Variants in SGK1 observed in about 807,000 individuals in gnomAD.
The protein encoded by SGK1 is serum/glucocorticoid regulated kinase 1, also known as serine/threonine-protein kinase Sgk1.
A neutral mutation model predicts 64.2 loss-of-function variants in SGK1; 26 were observed. The ratio of observed to expected loss-of-function variants is 0.40; its 90% CI spans 0.30 to 0.56. The LOEUF (loss-of-function observed/expected upper bound fraction) is 0.56, where lower values mean the gene tolerates loss of function less well. Among genes scored for constraint, SGK1 ranks in the 20% least tolerant of loss-of-function variants. The pLI is 0.38. For synonymous variants in SGK1, 265 were observed against 239.7 expected, an observed-to-expected ratio of 1.11 and a Z score of -0.98; for missense variants, 519 against 645.6, an observed-to-expected ratio of 0.80 and a Z score of 2.12.
intron 1 of SGK1, among the ~76,000 whole-genome samples, chr6:134,304,096 G>C (rs1022218883): frequency 1.3e-5 from 2 of 152,140 alleles, no homozygotes; most frequent in Non-Finnish European, 2.9e-5. Flanking sequence ...TATGTGGAGA[G>C]AGAAAGAGGC....
intron 2 of SGK1, among the ~76,000 whole-genome samples, chr6:134,226,635 A>G (rs1776185071): frequency 3.3e-5 from 5 of 151,828 alleles, no homozygotes; most frequent in Admixed American, 1.3e-4. Context: ...TTGAGGCTGC[A>G]GTGAGCCATG....
chr6:134,270,809 C>G (rs1054544681), intron 1 of SGK1, among the ~76,000 whole-genome samples: 2 of 148,056 alleles, frequency 1.4e-5, no homozygotes, highest in Non-Finnish European at 3.0e-5. Flanking sequence ...AGGCAGCACC[C>G]CAGCTCCGTC....
chr6:134,305,610 G>A (rs1485743267), intron 1 of SGK1, among the ~76,000 whole-genome samples: 1 of 151,358 alleles, frequency 6.6e-6, no homozygotes, highest in East Asian at 1.9e-4. Context: ...ATACAGATGT[G>A]TCTCAGATGA....
At chr6:134,244,596 G>A (rs1004909505) in intron 2 of SGK1, among the ~76,000 whole-genome samples, 3 of 152,156 alleles carry the variant, frequency 2.0e-5, no homozygotes, top group Admixed American at 1.3e-4. Context: ...CACTTCCCGG[G>A]TAAGGCAACG....
chr6:134,172,176 AC>A lies in SGK1; in HGVS notation c.1071+16del. 1 of 1,612,242 alleles carries A rather than the reference AC, an allele frequency of 6.2e-7. No individual in the cohort carries two copies. Among genetic ancestry groups the A allele is most frequent in the Non-Finnish European group, 8.5e-7 (1 of 1,179,368 alleles). On this transcript the variant is annotated intron_variant, in intron 10 of 13. Coordinates refer to ENST00000367858, the MANE Select transcript of SGK1 (RefSeq NM_001143676.3). ...AAGGCGGGGGTAAACCAGGCACCAA[AC>A]CAAGACAGCGCCTACCTCCGGCGTG...
chr6:134,314,797 T>G (rs1194167204), intron 1 of SGK1, among the ~76,000 whole-genome samples: 10 of 152,118 alleles, frequency 6.6e-5, no homozygotes, highest in African/African-American at 1.7e-4. Flanking sequence ...CTATGGTTTT[T>G]TTTTTTTTTT....
intron 2 of SGK1, among the ~76,000 whole-genome samples, chr6:134,255,597 T>C (rs1209094266): frequency 2.0e-5 from 3 of 147,552 alleles, no homozygotes; most frequent in Non-Finnish European, 4.5e-5. Context: ...TTTTTTTTTT[T>C]TGAGATGGAG....
chr6:134,207,068 A>AC (rs1473018593), intron 3 of SGK1, among the ~76,000 whole-genome samples: 1 of 151,198 alleles, frequency 6.6e-6, no homozygotes, highest in Non-Finnish European at 1.5e-5. Context: ...TACTAAAAAT[A>AC]CAAAAAAATT....
rs1777580819 is a variant in SGK1, at chr6:134,309,473, CT to C, written c.69+7918del. 2.6e-5 allele frequency among the ~76,000 whole-genome samples: 4 copies of C among 152,296 alleles called. No homozygotes were observed. The South Asian group carries it at 8.3e-4, about 32-fold the overall frequency. ...GCAGTTTGCCAGAGAAACCTGGCCA[CT>C]TGCTGGGTAAGCCTGCTCTTAGACC... On this transcript the variant is annotated intron_variant, in intron 1 of 13. Coordinates refer to ENST00000367858, the MANE Select transcript of SGK1 (RefSeq NM_001143676.3).
rs144968678 is a variant in SGK1 at position 134,285,317 on chromosome 6, A to G, written c.70-23169T>C. Among the ~76,000 whole-genome samples, 27 of 152,170 alleles carry G rather than the reference A, an allele frequency of 1.8e-4. 1 individual carries two copies. In the East Asian group the frequency reaches 5.2e-3, roughly 29 times the overall value. ...CATGTTGAAACCCCATCTTTACTAA[A>G]AATACAAAAAATTAGCCAAGCATGG... is the stretch of plus-strand genomic sequence containing the variant. On this transcript the variant is annotated intron_variant, in intron 1 of 13. Transcript: ENST00000367858.
Position 134,317,492 on chromosome 6 carries a change from C to G in SGK1, c.-32G>C, listed in dbSNP as rs1392075944. On this transcript the variant is annotated 5_prime_UTR_variant, in exon 1 of 14. Transcript: ENST00000367858. ...CCGTGGGGAATTCACAGTTATAGATCCAGGTTGGCACCCGCCTGGTTAGTG... is the reference window on the plus strand; with the variant it reads ...CCGTGGGGAATTCACAGTTATAGATGCAGGTTGGCACCCGCCTGGTTAGTG... 7.6e-6 allele frequency: 11 copies of G among 1,451,218 alleles called. No individual in the cohort carries two copies. The highest frequency in any genetic ancestry group is 1.1e-5 in the Non-Finnish European group (11 of 1,031,354). 89.9% of individuals were successfully genotyped at this position (1,451,218 alleles called of 1,614,324 possible). A position where few individuals can be genotyped will look rare whatever the true frequency, so the allele number is the denominator to read the frequency against.
chr6:134,308,937 A>C (rs1777573336), intron 1 of SGK1, among the ~76,000 whole-genome samples: 1 of 152,144 alleles, frequency 6.6e-6, no homozygotes, highest in Non-Finnish European at 1.5e-5. Flanking sequence ...AGAGAGAGAA[A>C]GAGAGAGAGA....
chr6:134,288,193 G>A (rs866825459), intron 1 of SGK1, among the ~76,000 whole-genome samples: 10 of 152,308 alleles, frequency 6.6e-5, no homozygotes, highest in Middle Eastern at 3.4e-3. Flanking sequence ...ATGGTAAAAA[G>A]AGATATTGCC....
intron 2 of SGK1, chr6:134,218,868 CAAT>C (rs772695647): frequency 1.3e-5 from 2 of 152,144 alleles, no homozygotes; most frequent in African/African-American, 2.4e-5. Flanking sequence ...CTAATTTTTT[CAAT>C]AATATCACCA....
intron 2 of SGK1, among the ~76,000 whole-genome samples, chr6:134,225,862 C>T (rs935640597): frequency 6.6e-6 from 1 of 151,384 alleles, no homozygotes; most frequent in Non-Finnish European, 1.5e-5. Context: ...GGCTTGAGCC[C>T]AGGAGTTTGA....
chr6:134,174,430 C>A, intron 4 of SGK1, 81 bp downstream of exon 4: 1 of 1,011,778 alleles, frequency 9.9e-7, no homozygotes, highest in Non-Finnish European at 1.5e-6. Flanking sequence ...TTCGCCTTCC[C>A]GATAAACGCC....
intron 2 of SGK1, among the ~76,000 whole-genome samples, chr6:134,242,933 T>A (rs571944521): frequency 6.9e-4 from 105 of 152,170 alleles, no homozygotes; most frequent in Non-Finnish European, 1.1e-3. Context: ...TAAAATGTTG[T>A]CAATACTTTT....
At chr6:134,283,220 G>T (rs1435195147) in intron 1 of SGK1, 3 of 151,898 alleles carry the variant, frequency 2.0e-5, no homozygotes, top group Non-Finnish European at 4.4e-5. Flanking sequence ...GCTGGGTGCG[G>T]TGGCTCACAC....
intron 1 of SGK1, among the ~76,000 whole-genome samples, chr6:134,284,940 A>C (rs1484004778): frequency 6.6e-6 from 1 of 152,114 alleles, no homozygotes; most frequent in African/African-American, 2.4e-5. Context: ...TCATTGGCTG[A>C]TGGGCAGTTA....
Sources: allele counts gnomAD v4.1 joint callset (sites outside exome capture counted in the v4.1 genomes callset), GRCh38; gene constraint gnomAD v4.1.1; transcripts MANE v1.5; gene names NCBI Gene and HGNC (gene_info 2026-07-23, HGNC 2026-07-21).